Variants in DLGAP4 observed in about 807,000 individuals in gnomAD.
DLGAP4 encodes the protein disks large-associated protein 4.
A neutral mutation model predicts 86.9 loss-of-function variants in DLGAP4; 18 were observed. The observed-to-expected ratio is 0.21, with a 90% CI of 0.14 to 0.31. The LOEUF is 0.31. DLGAP4 is among the 10% of genes least tolerant of loss of function. DLGAP4 has a pLI of 1.00. For synonymous variants in DLGAP4, 548 were observed against 574.3 expected, an observed-to-expected ratio of 0.95 and a Z score of 0.65; for missense variants, 1,085 against 1,362.6, an observed-to-expected ratio of 0.80 and a Z score of 3.21.
intron 10 of DLGAP4, among the ~76,000 whole-genome samples, chr20:36,511,840 G>A (rs1050725590): frequency 4.1e-5 from 6 of 145,900 alleles, no homozygotes; most frequent in Admixed American, 6.9e-5. Context: ...ATGCCACCGC[G>A]CTCCAGCCTG....
rs200799689 is a variant in DLGAP4 at position 36,432,485 on chromosome 20, C to A, written c.768C>A (p.Thr256=). ...CCATCAGTGGGCACATGCTCAAAACCACCAAGAACAACACTACTGAGCTGA... is the reference window on the plus strand; with the variant it reads ...CCATCAGTGGGCACATGCTCAAAACAACCAAGAACAACACTACTGAGCTGA... The part of the protein sequence containing the change: ...YNTISGHMLK[T]TKNNTTELTA... Residue 256 remains threonine (T), a synonymous_variant, in exon 3 of 13, where the codon ACC becomes ACA. Coordinates refer to ENST00000339266, the MANE Select transcript of DLGAP4 (RefSeq NM_001365621.2). The surrounding 1 kb of genome is among the most constrained non-coding windows in gnomAD (Gnocchi z 6.5). The A allele has an allele frequency of 3.5e-5, 57 of 1,613,648 alleles. No individual in the cohort carries two copies. Among genetic ancestry groups the A allele is most frequent in the Non-Finnish European group, 4.2e-5 (50 of 1,180,016 alleles).
rs972959799 is a variant in DLGAP4, at chr20:36,366,816, T to C, written c.-303-229T>C. Among the ~76,000 whole-genome samples, 14 of 152,326 alleles carry C rather than the reference T, an allele frequency of 9.2e-5. No individual in the cohort carries two copies. The South Asian group carries it at 1.7e-3, about 18-fold the overall frequency. ...TCTGTGGGTGGTGGGAAAGGCACTG[T>C]AAATATGCATGACATGCAAATTTGC... On this transcript the variant is annotated intron_variant, in intron 1 of 12. Transcript: ENST00000339266.
intron 1 of DLGAP4, among the ~76,000 whole-genome samples, chr20:36,337,962 C>T (rs1195657264): frequency 3.3e-5 from 5 of 152,136 alleles, no homozygotes; most frequent in African/African-American, 4.8e-5. Context: ...ATGAGGAAGC[C>T]GAGGCCCCAA....
chr20:36,370,427 G>A (rs1271709302), intron 2 of DLGAP4, among the ~76,000 whole-genome samples: 4 of 150,232 alleles, frequency 2.7e-5, no homozygotes, highest in African/African-American at 9.8e-5. Flanking sequence ...CAGAGGTTAT[G>A]GTGAGCTGAG....
intron 4 of DLGAP4, among the ~76,000 whole-genome samples, chr20:36,437,034 C>T (rs1229809312): frequency 6.6e-6 from 1 of 152,212 alleles, no homozygotes. Flanking sequence ...GCCTTCCTCC[C>T]ATTCGGCTGT....
At chr20:36,476,967 ACAGGCGTGAGCTAC>A (rs2034972591) in intron 7 of DLGAP4, among the ~76,000 whole-genome samples, 1 of 152,058 alleles carries the variant, frequency 6.6e-6, no homozygotes, top group African/African-American at 2.4e-5. Context: ...TGCTGGGATT[ACAGGCGTGAGCTAC>A]CATGCCCAGC....
chr20:36,346,200 T>A (rs1296936730), intron 1 of DLGAP4, among the ~76,000 whole-genome samples: 1 of 152,236 alleles, frequency 6.6e-6, no homozygotes, highest in Non-Finnish European at 1.5e-5. Flanking sequence ...CAGGGCTCTA[T>A]GGGCAGAGTC....
chr20:36,406,385 G>A (rs949451474), intron 2 of DLGAP4, among the ~76,000 whole-genome samples: 19 of 132,082 alleles, frequency 1.4e-4, no homozygotes, highest in South Asian at 7.4e-4. Flanking sequence ...GTGACAGAGC[G>A]AGACTCCACC....
rs1490269827 is a variant in DLGAP4, at chr20:36,367,078, G to A, written c.-270G>A. 1 of 152,324 alleles carries A rather than the reference G, an allele frequency of 6.6e-6. No homozygotes were observed. The highest frequency in any genetic ancestry group is 6.5e-5 in the Admixed American group (1 of 15,272). The allele number at this position is 152,324 out of a possible 1,614,324, so 9.4% of individuals were successfully genotyped here. On this transcript the variant is annotated 5_prime_UTR_variant, in exon 2 of 13. Transcript: ENST00000339266. ...GCCTCCCCTCTGCCAGGAACCTTGG[G>A]GCCTTGTGTGTGACCAGGACCTGGT...
At chr20:36,439,976 C>G in intron 5 of DLGAP4, 108 bp downstream of exon 5, 3 of 905,670 alleles carry the variant, frequency 3.3e-6, no homozygotes, top group Non-Finnish European at 5.2e-6. Context: ...CCCCAGATGT[C>G]TGCACTGTGC....
intron 2 of DLGAP4, among the ~76,000 whole-genome samples, chr20:36,371,285 A>G (rs2030922312): frequency 6.6e-6 from 1 of 152,210 alleles, no homozygotes; most frequent in East Asian, 1.9e-4. Context: ...CTCTTCATTC[A>G]TGCGTTCCAA....
intron 10 of DLGAP4, among the ~76,000 whole-genome samples, chr20:36,517,979 C>G (rs1051406575): frequency 2.6e-5 from 4 of 152,186 alleles, no homozygotes; most frequent in Non-Finnish European, 4.4e-5. Flanking sequence ...TAATCCTGCA[C>G]TTTGGGAGGC....
intron 3 of DLGAP4, among the ~76,000 whole-genome samples, chr20:36,435,334 T>G (rs1321631759): frequency 6.6e-6 from 1 of 152,182 alleles, no homozygotes; most frequent in Non-Finnish European, 1.5e-5. Context: ...ATGTAGCCTG[T>G]GTGCACTGCC....
chr20:36,518,026 G>A (rs1053508075), intron 10 of DLGAP4, among the ~76,000 whole-genome samples: 2 of 152,158 alleles, frequency 1.3e-5, no homozygotes, highest in East Asian at 3.8e-4. Context: ...TTCAAGACCA[G>A]CCTGGCCAAC....
At chr20:36,429,223 C>T (rs991957301) in intron 2 of DLGAP4, among the ~76,000 whole-genome samples, 3 of 151,832 alleles carry the variant, frequency 2.0e-5, no homozygotes, top group East Asian at 1.9e-4. Context: ...GGATTATAGG[C>T]GCACGCCATC....
chr20:36,472,963 C>T (rs2034737407), intron 7 of DLGAP4, among the ~76,000 whole-genome samples: 2 of 152,166 alleles, frequency 1.3e-5, no homozygotes, highest in Admixed American at 6.5e-5. Context: ...CCTGGCCTGG[C>T]CCACTGCTGT....
chr20:36,482,623 C>T (rs922082453), intron 7 of DLGAP4, among the ~76,000 whole-genome samples: 13 of 152,068 alleles, frequency 8.5e-5, no homozygotes, highest in Admixed American at 3.9e-4. Context: ...TGTAACTGGG[C>T]GGTTTCTCCT....
At chr20:36,405,630 C>G (rs1166835504) in intron 2 of DLGAP4, among the ~76,000 whole-genome samples, 1 of 151,964 alleles carries the variant, frequency 6.6e-6, no homozygotes, top group African/African-American at 2.4e-5. Context: ...GGGCTGGGGA[C>G]TGGTTGGGCC....
rs1250754453 is a variant in DLGAP4, at chr20:36,321,582, C to T, written c.-304+15070C>T. ...CAGCGCCTGGTGAGGCGCTCGCCCG[C>T]CTCAGCGCGTTTCATCTGCGCCCGA... On this transcript the variant is annotated intron_variant, in intron 1 of 12. Coordinates refer to ENST00000339266, the MANE Select transcript of DLGAP4 (RefSeq NM_001365621.2). 5.3e-5 allele frequency among the ~76,000 whole-genome samples: 8 copies of T among 152,256 alleles called. No homozygotes were observed. The South Asian group carries it at 8.3e-4, about 16-fold the overall frequency.
Sources: gnomAD v4.1 joint callset for allele counts (sites outside exome capture counted in the v4.1 genomes callset) on GRCh38, gnomAD v4.1.1 for gene constraint, Gnocchi (gnomAD v3.1) non-coding constraint, MANE v1.5 for transcripts, NCBI Gene and HGNC (gene_info 2026-07-23, HGNC 2026-07-21) for gene names.